Variants in FSTL5 observed in about 807,000 individuals in gnomAD.
The protein encoded by FSTL5 is follistatin-related protein 5.
In FSTL5, 62 loss-of-function variants were observed where a neutral mutation model predicts 89.1. The ratio of observed to expected loss-of-function variants is 0.70; its 90% CI spans 0.57 to 0.86. The LOEUF is 0.86. Among genes scored for constraint, FSTL5 ranks in the 40% least tolerant of loss-of-function variants. The pLI is 0.00. For synonymous variants in FSTL5, 383 were observed against 346.2 expected, an observed-to-expected ratio of 1.11 and a Z score of -1.18; for missense variants, 1,057 against 1,001.6, an observed-to-expected ratio of 1.06 and a Z score of -0.75.
intron 4 of FSTL5, among the ~76,000 whole-genome samples, chr4:161,916,000 T>G (rs1027666793): frequency 1.3e-5 from 2 of 151,554 alleles, no homozygotes; most frequent in African/African-American, 4.8e-5. Flanking sequence ...TTCTACAAGT[T>G]CCTTCTTAAA....
intron 6 of FSTL5, among the ~76,000 whole-genome samples, chr4:161,697,531 A>G (rs1330069701): frequency 6.6e-6 from 1 of 152,220 alleles, no homozygotes; most frequent in African/African-American, 2.4e-5. Context: ...GGAATAACAT[A>G]TCAAAGAGAT....
chr4:161,860,805 T>C (rs956202771), intron 4 of FSTL5, among the ~76,000 whole-genome samples: 7 of 152,122 alleles, frequency 4.6e-5, no homozygotes, highest in African/African-American at 1.7e-4. Flanking sequence ...GGTAAATGCC[T>C]AGGTGTACCC....
chr4:161,541,000 G>T (rs1172517722), intron 9 of FSTL5, among the ~76,000 whole-genome samples: 2 of 151,728 alleles, frequency 1.3e-5, no homozygotes, highest in Admixed American at 1.3e-4. Context: ...TAAAATATTT[G>T]TGCTTTCTTG....
At chr4:161,400,302 A>G (rs1347402872) in intron 15 of FSTL5, among the ~76,000 whole-genome samples, 1 of 152,116 alleles carries the variant, frequency 6.6e-6, no homozygotes, top group African/African-American at 2.4e-5. Context: ...AGATAGGTAC[A>G]TAAATAGTTG....
chr4:161,976,623 A>G (rs1735655635), intron 3 of FSTL5, among the ~76,000 whole-genome samples: 1 of 152,054 alleles, frequency 6.6e-6, no homozygotes, highest in Non-Finnish European at 1.5e-5. Context: ...CTGGGACTAC[A>G]GGCGCCCGCC....
chr4:161,685,494 A>G (rs1306548484), intron 6 of FSTL5, among the ~76,000 whole-genome samples: 2 of 151,600 alleles, frequency 1.3e-5, no homozygotes, highest in African/African-American at 4.8e-5. Flanking sequence ...TAAGTGTTTT[A>G]TTTATTTTAT....
chr4:161,784,711 G>A (rs1232904264), intron 4 of FSTL5, among the ~76,000 whole-genome samples: 1 of 151,742 alleles, frequency 6.6e-6, no homozygotes, highest in Non-Finnish European at 1.5e-5. Flanking sequence ...TGGCTAACAC[G>A]CTGAAACCCC....
intron 7 of FSTL5, among the ~76,000 whole-genome samples, chr4:161,634,824 T>C (rs983652779): frequency 6.6e-6 from 1 of 152,110 alleles, no homozygotes; most frequent in African/African-American, 2.4e-5. Flanking sequence ...AATGAACAGA[T>C]TGGTGACTAT....
At chr4:161,452,357 TC>T (rs1733194897) in intron 15 of FSTL5, among the ~76,000 whole-genome samples, 3 of 151,962 alleles carry the variant, frequency 2.0e-5, no homozygotes, top group Non-Finnish European at 2.9e-5. Context: ...ACTCCTGTAA[TC>T]CCAGCTGCTA....
At chr4:161,537,425 T>G (rs1236149738) in intron 10 of FSTL5, among the ~76,000 whole-genome samples, 1 of 152,204 alleles carries the variant, frequency 6.6e-6, no homozygotes, top group African/African-American at 2.4e-5. Context: ...AATGGCTGTT[T>G]GTTTGCTTGC....
chr4:161,958,708 TC>T (rs370728817), intron 3 of FSTL5, among the ~76,000 whole-genome samples: 8 of 152,126 alleles, frequency 5.3e-5, no homozygotes, highest in Non-Finnish European at 1.2e-4. Context: ...ATCTTTTTTC[TC>T]CCACCACTGA....
intron 4 of FSTL5, among the ~76,000 whole-genome samples, chr4:161,918,889 C>T (rs1020235847): frequency 3.3e-5 from 5 of 151,984 alleles, no homozygotes; most frequent in African/African-American, 1.2e-4. Context: ...GTGATCTGCC[C>T]ACCTTGGCCT....
At chr4:161,529,762 A>G (rs1332105223) in intron 10 of FSTL5, among the ~76,000 whole-genome samples, 1 of 142,500 alleles carries the variant, frequency 7.0e-6, no homozygotes, top group Non-Finnish European at 1.5e-5. Context: ...ATAAAATCCT[A>G]CCCGGCTGTG....
At chr4:161,427,620 T>G (rs1377805582) in intron 15 of FSTL5, among the ~76,000 whole-genome samples, 1 of 152,164 alleles carries the variant, frequency 6.6e-6, no homozygotes, top group Non-Finnish European at 1.5e-5. Flanking sequence ...CCCTCTCCAT[T>G]TTTTTCTCAA....
chr4:161,433,670 C>T (rs1345333337), intron 15 of FSTL5, among the ~76,000 whole-genome samples: 1 of 151,958 alleles, frequency 6.6e-6, no homozygotes, highest in Non-Finnish European at 1.5e-5. Context: ...CTAAAGATTC[C>T]ACAGCAAACT....
chr4:161,726,738 GAATA>G lies in FSTL5; in HGVS notation c.727+32669_727+32672del, dbSNP rs918953368. Among the ~76,000 whole-genome samples, 25 of 151,792 alleles carry G rather than the reference GAATA, an allele frequency of 1.6e-4. 1 individual carries two copies. The highest frequency in any genetic ancestry group is 5.9e-5 in the Non-Finnish European group (4 of 67,932). ...GAAATGTTAAAAGTACATTATTTGAGAATAAATAATTAGCTAACAACTTTACTAA... is the reference window on the plus strand; with the variant it reads ...GAAATGTTAAAAGTACATTATTTGAGAATAATTAGCTAACAACTTTACTAA... On this transcript the variant is annotated intron_variant, in intron 6 of 15. Coordinates refer to ENST00000306100, the MANE Select transcript of FSTL5 (RefSeq NM_020116.5).
chr4:161,823,460 C>G (rs1205956429), intron 4 of FSTL5, among the ~76,000 whole-genome samples: 1 of 152,218 alleles, frequency 6.6e-6, no homozygotes, highest in Non-Finnish European at 1.5e-5. Flanking sequence ...TACACTCAAC[C>G]AGGTTACAAC....
chr4:161,480,040 CT>C, intron 13 of FSTL5, among the ~76,000 whole-genome samples: 1 of 152,212 alleles, frequency 6.6e-6, no homozygotes, highest in Middle Eastern at 3.4e-3. Flanking sequence ...CATCTTAACA[CT>C]TTTTGTAGTG....
chr4:162,070,737 G>A (rs867904262), intron 2 of FSTL5, among the ~76,000 whole-genome samples: 5 of 151,634 alleles, frequency 3.3e-5, no homozygotes, highest in African/African-American at 1.2e-4. Context: ...AAAAAAGAAC[G>A]GGATAATGTA....
Sources: allele counts gnomAD v4.1 joint callset (sites outside exome capture counted in the v4.1 genomes callset), GRCh38; gene constraint gnomAD v4.1.1; transcripts MANE v1.5; gene names NCBI Gene and HGNC (gene_info 2026-07-23, HGNC 2026-07-21).